Variants in ZNF442 observed in about 807,000 individuals in gnomAD.
ZNF442 encodes zinc finger protein 442.
A neutral mutation model predicts 57.0 loss-of-function variants in ZNF442; 45 were observed. The ratio of observed to expected loss-of-function variants is 0.79; its 90% CI spans 0.62 to 1.01. The LOEUF (loss-of-function observed/expected upper bound fraction) is 1.01. Among genes scored for constraint, ZNF442 ranks in the 50% least tolerant of loss-of-function variants. The probability of loss-of-function intolerance (pLI) is 0.00; values close to 1 mark genes in which losing one functional copy is unlikely to be tolerated. For synonymous variants in ZNF442, 213 were observed against 241.8 expected, an observed-to-expected ratio of 0.88 and a Z score of 1.10; for missense variants, 690 against 756.5, an observed-to-expected ratio of 0.91 and a Z score of 1.03.
chr19:12,364,044 TG>T (rs1412386657), intron 2 of ZNF442, among the ~76,000 whole-genome samples: 17 of 152,264 alleles, frequency 1.1e-4, no homozygotes, highest in African/African-American at 3.9e-4. Context: ...TTTGTTTTTT[TG>T]TTTTTTACAG....
Position 12,350,353 on chromosome 19 carries a change from C to T in ZNF442, c.1232G>A (p.Gly411Glu). The T allele has an allele frequency of 1.2e-6, 2 of 1,613,852 alleles. No individual in the cohort carries two copies. Among genetic ancestry groups the T allele is most frequent in the African/African-American group, 1.3e-5 (1 of 74,838 alleles). ...TACACTGGGATAAATGAAGGCTTTCCCACATACCTTGCATTTGTGAGGTCC... is the reference window on the plus strand; with the variant it reads ...TACACTGGGATAAATGAAGGCTTTCTCACATACCTTGCATTTGTGAGGTCC... ...GDGPHKCKVCGKAFIYPSVFQ... is the reference protein window; with the variant it reads ...GDGPHKCKVCEKAFIYPSVFQ... The change falls in exon 6 of 6, where the codon GGG (glycine) becomes GAG (glutamate). Residue 411 changes from glycine to glutamate, a missense_variant. By Grantham distance (98) the Gly-to-Glu change is moderately conservative. Coordinates refer to ENST00000242804, the MANE Select transcript of ZNF442 (RefSeq NM_030824.3).
the ZNF442 span, among the ~76,000 whole-genome samples, chr19:12,371,477 G>A: frequency 6.6e-6 from 1 of 152,172 alleles, no homozygotes; most frequent in African/African-American, 2.4e-5. Context: ...CAAAGGTGGT[G>A]TCAGGGGTTT....
Position 12,350,580 on chromosome 19 carries a change from G to T in ZNF442, c.1005C>A (p.Ser335Arg). The T allele has an allele frequency of 6.2e-7, 1 of 1,613,818 alleles. No individual in the cohort carries two copies. The highest frequency in any genetic ancestry group is 8.5e-7 in the Non-Finnish European group (1 of 1,179,936). The part of the protein sequence containing the change: ...QCGKAFHHLG[S>R]FQRHMIRHTG... ...TGTGCCTTATCATGTGTCTTTGAAAGCTTCCCAGATGATGAAATGCTTTCC... is the reference window on the plus strand; with the variant it reads ...TGTGCCTTATCATGTGTCTTTGAAATCTTCCCAGATGATGAAATGCTTTCC... The change falls in exon 6 of 6, where the codon AGC (serine) becomes AGA (arginine). Residue 335 changes from serine (S) to arginine (R), a missense_variant. Physicochemically the swap from Ser to Arg is moderately radical, Grantham distance 110 (BLOSUM62 -1). Transcript: ENST00000242804.
upstream of ZNF442, among the ~76,000 whole-genome samples, chr19:12,369,390 G>A (rs1439775064): frequency 4.6e-5 from 7 of 150,884 alleles, no homozygotes; most frequent in Non-Finnish European, 8.9e-5. Context: ...AGGCCGAGGC[G>A]GGTGGATCAC....
intron 1 of ZNF442, 115 bp from the exon 2 acceptor site, chr19:12,365,358 AG>A (rs1969514706): frequency 4.6e-6 from 1 of 217,704 alleles, no homozygotes; most frequent in South Asian, 8.4e-5. Flanking sequence ...CTGCCGGCCC[AG>A]CCCCCAGCTC....
At chr19:12,367,471 T>A (rs1969547108), upstream of ZNF442, among the ~76,000 whole-genome samples, 1 of 151,966 alleles carries the variant, frequency 6.6e-6, no homozygotes, top group Non-Finnish European at 1.5e-5. Flanking sequence ...GGAAACAGGG[T>A]TCGAGAGCAG....
chr19:12,373,725 G>T, the ZNF442 span: 1 of 246,192 alleles, frequency 4.1e-6, no homozygotes, highest in South Asian at 5.5e-5. Context: ...TCATTAAGTT[G>T]GACTAAATGA....
intron 3 of ZNF442, among the ~76,000 whole-genome samples, chr19:12,355,424 C>T (rs1325795788): frequency 1.4e-5 from 2 of 147,708 alleles, no homozygotes; most frequent in Non-Finnish European, 3.0e-5. Context: ...TGCAATGGCA[C>T]GATCTCAGCT....
In ZNF442 at chr19:12,352,992, A is replaced by T. The variant is rs777635731; in HGVS notation, c.201T>A (p.Cys67Ter). The change falls in exon 4 of 6, where the codon TGT (cysteine) becomes TGA (stop). Residue 67 changes from cysteine (C) to a stop codon, truncating the protein, a stop_gained. Coordinates refer to ENST00000242804, the MANE Select transcript of ZNF442 (RefSeq NM_030824.3). LOFTEE classifies it high-confidence loss of function. ...AAGACATAATGTCATTTTTACCTAT[A>T]CAGTCCAGGTTCCTAATGGTTTCCC... ...VMWETIRNLD[C>*]IGMKWEDTNI... 6.2e-7 allele frequency: 1 copy of T among 1,604,580 alleles called. No homozygotes were observed. The highest frequency in any genetic ancestry group is 8.5e-7 in the Non-Finnish European group (1 of 1,177,512).
chr19:12,359,431 C>G (rs186370453), intron 3 of ZNF442, among the ~76,000 whole-genome samples: 15 of 152,162 alleles, frequency 9.9e-5, no homozygotes, highest in African/African-American at 2.9e-4. Flanking sequence ...GCCCCTCCCC[C>G]CTTCTCTAAA....
chr19:12,363,303 G>A (rs1254716687), intron 3 of ZNF442, among the ~76,000 whole-genome samples: 1 of 151,986 alleles, frequency 6.6e-6, no homozygotes, highest in African/African-American at 2.4e-5. Context: ...TGAAAAGAGT[G>A]AGTATCTCTT....
chr19:12,360,603 G>A (rs1969408572), intron 3 of ZNF442, among the ~76,000 whole-genome samples: 1 of 152,172 alleles, frequency 6.6e-6, no homozygotes. Flanking sequence ...TATAGATGAA[G>A]TCTCACTCTG....
upstream of ZNF442, among the ~76,000 whole-genome samples, chr19:12,368,465 G>A (rs183806572): frequency 4.1e-4 from 63 of 152,206 alleles, no homozygotes; most frequent in African/African-American, 1.0e-3. Flanking sequence ...TTCTTCTGCC[G>A]TGGCTTCAGC....
At chr19:12,366,072 G>C (rs1239861031), upstream of ZNF442, among the ~76,000 whole-genome samples, 1 of 152,228 alleles carries the variant, frequency 6.6e-6, no homozygotes, top group Non-Finnish European at 1.5e-5. Flanking sequence ...ACTGAAGCAG[G>C]AGGGAAGGCC....
At chr19:12,373,498 C>A in the ZNF442 span, 1 of 153,274 alleles carries the variant, frequency 6.5e-6, no homozygotes, top group South Asian at 2.0e-4. Flanking sequence ...GCTGTGATCC[C>A]CCAATTACAC....
Position 12,350,770 on chromosome 19 carries a change from T to A in ZNF442, c.815A>T (p.Lys272Ile). ...EKPYECKHCS[K>I]AFPDYSSYVR... Reference sequence around the variant, plus strand: ...ATAGGAACTGTAATCAGGGAAGGCTTTGGAACAGTGCTTGCATTCATATGG... The same window carrying A: ...ATAGGAACTGTAATCAGGGAAGGCTATGGAACAGTGCTTGCATTCATATGG... The change falls in exon 6 of 6, where the codon AAA becomes ATA. Residue 272 changes from lysine to isoleucine, a missense_variant. Transcript: ENST00000242804. 1 of 1,614,168 alleles carries A rather than the reference T, an allele frequency of 6.2e-7. No homozygotes were observed. Among genetic ancestry groups the A allele is most frequent in the Non-Finnish European group, 8.5e-7 (1 of 1,180,026 alleles).
At chr19:12,351,694 C>G (rs1030032327) in intron 5 of ZNF442, 2 of 312,478 alleles carry the variant, frequency 6.4e-6, no homozygotes, top group African/African-American at 4.3e-5. Context: ...TTAGTAGAAA[C>G]GGGGTTTCAC....
At position 12,353,465 on chromosome 19, in the gene ZNF442, T is replaced by C. The variant is rs564163790; in HGVS notation, c.79-351A>G. 2.6e-5 allele frequency among the ~76,000 whole-genome samples: 4 copies of C among 152,316 alleles called. No homozygotes were observed. The South Asian group carries it at 8.3e-4, about 32-fold the overall frequency. On this transcript the variant is annotated intron_variant, in intron 3 of 5. Transcript: ENST00000242804. ...TGTACAAGAATAGGAGTCCTGAGAT[T>C]GTATATATTTACAAATGCTGGTTAA...
chr19:12,369,981 C>G (rs753743616), upstream of ZNF442, among the ~76,000 whole-genome samples: 25 of 151,494 alleles, frequency 1.7e-4, no homozygotes, highest in Non-Finnish European at 7.4e-5. Flanking sequence ...AATAAGGTAT[C>G]AGTGATCTAA....
Sources: gnomAD v4.1 joint callset for allele counts (sites outside exome capture counted in the v4.1 genomes callset) on GRCh38, gnomAD v4.1.1 for gene constraint, MANE v1.5 for transcripts, NCBI Gene and HGNC (gene_info 2026-07-23, HGNC 2026-07-21) for gene names.